The following NFYC variants were observed in gnomAD, a reference collection of about 807,000 sequenced individuals.
The protein encoded by NFYC is nuclear transcription factor Y subunit gamma.
Under a neutral mutation model 53.1 loss-of-function variants are expected in NFYC, and 25 were observed. That is an observed-to-expected ratio of 0.47 (90% CI 0.34 to 0.66). The LOEUF (loss-of-function observed/expected upper bound fraction) is 0.66. Among genes scored for constraint, NFYC ranks in the 30% least tolerant of loss-of-function variants. The probability of loss-of-function intolerance (pLI) is 0.01; values close to 1 mark genes in which losing one functional copy is unlikely to be tolerated. For synonymous variants in NFYC, 145 were observed against 152.6 expected, an observed-to-expected ratio of 0.95 and a Z score of 0.37; for missense variants, 260 against 422.7, an observed-to-expected ratio of 0.62 and a Z score of 3.38.
chr1:40,746,126 G>A (rs1461359587), intron 2 of NFYC, among the ~76,000 whole-genome samples: 2 of 152,168 alleles, frequency 1.3e-5, no homozygotes, highest in African/African-American at 4.8e-5. Flanking sequence ...CTGCGCTACT[G>A]TTTCCTTTTG....
chr1:40,741,897 C>T (rs769844530), intron 2 of NFYC, among the ~76,000 whole-genome samples: 36 of 151,186 alleles, frequency 2.4e-4, no homozygotes, highest in Admixed American at 1.2e-3. Context: ...AGCCACCATG[C>T]GTGGCCTTTG....
At chr1:40,763,832 T>C (rs1369576166) in intron 7 of NFYC, among the ~76,000 whole-genome samples, 1 of 152,236 alleles carries the variant, frequency 6.6e-6, no homozygotes, top group Admixed American at 6.5e-5. Flanking sequence ...AGGGAAATCA[T>C]TGTAACCACT....
intron 1 of NFYC, among the ~76,000 whole-genome samples, chr1:40,733,009 C>CG (rs1491220804): frequency 4.6e-4 from 13 of 28,556 alleles, no homozygotes; most frequent in Non-Finnish European, 8.1e-4. Flanking sequence ...CCAAGATTCG[C>CG]CCCCCCCCCC....
In NFYC at chr1:40,770,597, G is replaced by A. The variant is rs774650084; in HGVS notation, c.889-112G>A. The A allele has an allele frequency of 6.2e-7, 1 of 1,613,296 alleles. No homozygotes were observed. Among genetic ancestry groups the A allele is most frequent in the East Asian group, 2.2e-5 (1 of 44,868 alleles). ...CTTCCCCTCCTCCTTCTGACGCCTT[G>A]CAGTGGGTGGTGGTTGAGGTATCTG... is the stretch of plus-strand genomic sequence containing the variant. On this transcript the variant is annotated intron_variant, in intron 9 of 9. Coordinates refer to ENST00000447388, the MANE Select transcript of NFYC (RefSeq NM_014223.5). The surrounding 1 kb of genome is among the most constrained non-coding windows in gnomAD (Gnocchi z 5.3).
chr1:40,735,751 G>C (rs181042452), intron 1 of NFYC: 10 of 985,120 alleles, frequency 1.0e-5, no homozygotes, highest in East Asian at 1.1e-4. Context: ...GCAATAAAAG[G>C]TTAGATTCTT....
chr1:40,731,275 A>G (rs1644757262), intron 1 of NFYC, among the ~76,000 whole-genome samples: 2 of 152,086 alleles, frequency 1.3e-5, no homozygotes, highest in Non-Finnish European at 2.9e-5. Flanking sequence ...CCTGGGTTCA[A>G]GCGATTCTCA....
chr1:40,722,758 G>C (rs1179015938), intron 1 of NFYC, among the ~76,000 whole-genome samples: 5 of 152,332 alleles, frequency 3.3e-5, no homozygotes, highest in Middle Eastern at 3.4e-3. Context: ...GTTCGCCAGA[G>C]AGCTAAGAAC....
At chr1:40,769,482 G>C in intron 9 of NFYC, 67 bp downstream of exon 9, 1 of 1,406,798 alleles carries the variant, frequency 7.1e-7, no homozygotes, top group Non-Finnish European at 1.0e-6. Context: ...GGTAGTATCT[G>C]GGTTTGGATG....
At chr1:40,746,273 A>G (rs1306662767) in intron 2 of NFYC, among the ~76,000 whole-genome samples, 1 of 152,334 alleles carries the variant, frequency 6.6e-6, no homozygotes, top group East Asian at 1.9e-4. Flanking sequence ...TGTAGAGCAG[A>G]GTGGTAGCCA....
chr1:40,733,031 T>TC (rs1644850399), intron 1 of NFYC, among the ~76,000 whole-genome samples: 1 of 137,248 alleles, frequency 7.3e-6, no homozygotes, highest in East Asian at 2.5e-4. Context: ...TTTTTTTTTT[T>TC]CCTGAAAGGC....
intron 2 of NFYC, 64 bp from the exon 3 acceptor site, chr1:40,747,470 T>G: frequency 8.9e-7 from 1 of 1,121,736 alleles, no homozygotes; most frequent in Non-Finnish European, 1.4e-6. Context: ...TCCTACTGCC[T>G]GTCATGCTTT....
intron 1 of NFYC, among the ~76,000 whole-genome samples, chr1:40,707,360 G>A (rs948409499): frequency 1.1e-4 from 16 of 151,286 alleles, no homozygotes; most frequent in Non-Finnish European, 2.1e-4. Flanking sequence ...TGGGCATGGT[G>A]GTGGGTGCCT....
At chr1:40,697,615 G>A (rs1349420506) in intron 1 of NFYC, among the ~76,000 whole-genome samples, 1 of 152,194 alleles carries the variant, frequency 6.6e-6, no homozygotes, top group East Asian at 1.9e-4. Context: ...CTGACCAGAA[G>A]GAGAGATTTC....
At position 40,762,891 on chromosome 1, in the gene NFYC, A is replaced by G; in HGVS notation, c.565A>G (p.Thr189Ala). Reference sequence around the variant, plus strand: ...TTCTCATAACTCTTCCTTTCAGACCACACCTGTGACAATGCAGGTTGGAGA... The same window carrying G: ...TTCTCATAACTCTTCCTTTCAGACCGCACCTGTGACAATGCAGGTTGGAGA... ...IIAQPQQGQT[T>A]PVTMQVGEGQ... The change falls in exon 7 of 10, where the codon ACA (threonine) becomes GCA (alanine). Residue 189 changes from threonine to alanine, a missense_variant. Thr to Ala is a moderately conservative substitution (Grantham distance 58). Transcript: ENST00000447388. 6.3e-7 allele frequency: 1 copy of G among 1,597,038 alleles called. No individual in the cohort carries two copies. The highest frequency in any genetic ancestry group is 8.5e-7 in the Non-Finnish European group (1 of 1,170,558).
intron 1 of NFYC, among the ~76,000 whole-genome samples, chr1:40,737,892 GCT>G (rs1279491351): frequency 7.2e-5 from 10 of 138,422 alleles, no homozygotes; most frequent in South Asian, 2.3e-4. Context: ...AACTTAGCGT[GCT>G]CTCTCTCTTT....
At chr1:40,730,665 A>G in intron 1 of NFYC, 1 of 940,384 alleles carries the variant, frequency 1.1e-6, no homozygotes. Context: ...GATGCACAGG[A>G]ATGGTTGGGA....
intron 5 of NFYC, among the ~76,000 whole-genome samples, chr1:40,754,740 A>G (rs1557889745): frequency 6.6e-6 from 1 of 152,058 alleles, no homozygotes. Flanking sequence ...TGCCTGCTGA[A>G]TACACTGGCT....
intron 1 of NFYC, among the ~76,000 whole-genome samples, chr1:40,716,920 G>A (rs1322044310): frequency 1.4e-5 from 2 of 147,848 alleles, no homozygotes; most frequent in African/African-American, 5.0e-5. Flanking sequence ...TATCCAGTCT[G>A]GGTGACTGGA....
chr1:40,697,413 G>A (rs1455503072), intron 1 of NFYC, among the ~76,000 whole-genome samples: 1 of 152,222 alleles, frequency 6.6e-6, no homozygotes, highest in East Asian at 1.9e-4. Context: ...ATTTTCAGTG[G>A]ACCAGTGTGA....
Sources: allele counts gnomAD v4.1 joint callset (sites outside exome capture counted in the v4.1 genomes callset), GRCh38; gene constraint gnomAD v4.1.1; non-coding constraint Gnocchi (gnomAD v3.1); transcripts MANE v1.5; gene names NCBI Gene and HGNC (gene_info 2026-07-23, HGNC 2026-07-21).